Variants in PLEKHA5 observed in about 807,000 individuals in gnomAD.
The protein encoded by PLEKHA5 is pleckstrin homology domain-containing family A member 5.
A neutral mutation model predicts 181.9 loss-of-function variants in PLEKHA5; 55 were observed. The ratio of observed to expected loss-of-function variants is 0.30; its 90% confidence interval spans 0.24 to 0.38. The LOEUF is 0.38. Ranked by LOEUF, PLEKHA5 falls within the 10% of genes least tolerant of loss-of-function variation. The pLI is 1.00. For synonymous variants in PLEKHA5, 535 were observed against 529.4 expected (o/e 1.01, Z -0.15); for missense variants, 1,432 against 1,549.5 (o/e 0.92, Z 1.27).
chr12:19,153,801 C>T (rs1330871630), intron 3 of PLEKHA5: 1 of 152,126 alleles, frequency 6.6e-6, no homozygotes, highest in Non-Finnish European at 1.5e-5. Context: ...TTTATGATAA[C>T]AAAGTGAAAT....
chr12:19,281,308 C>A (rs1008946190), intron 11 of PLEKHA5, among the ~76,000 whole-genome samples: 1 of 151,574 alleles, frequency 6.6e-6, no homozygotes, highest in Non-Finnish European at 1.5e-5. Flanking sequence ...GGAGGCCAGG[C>A]GCTCACTCCT....
chr12:19,234,575 G>A (rs767425586), intron 3 of PLEKHA5, among the ~76,000 whole-genome samples: 4 of 152,108 alleles, frequency 2.6e-5, no homozygotes, highest in African/African-American at 4.8e-5. Flanking sequence ...CTGCTGATTC[G>A]ATGTATTGTT....
Position 19,283,470 on chromosome 12 carries a change from A to C in PLEKHA5, c.1504A>C (p.Arg502=). Residue 502 remains arginine (R), a synonymous_variant, in exon 12 of 32, where the codon AGA becomes CGA. Transcript: ENST00000429027. Reference sequence around the variant, plus strand: ...AGCGGAGGAGAAACGGAGGTCCATGAGAGATGACACAATGTGGCAGCTCTA... The same window carrying C: ...AGCGGAGGAGAAACGGAGGTCCATGCGAGATGACACAATGTGGCAGCTCTA... The part of the protein sequence containing the change: ...PGAEEKRRSM[R]DDTMWQLYEW... The C allele has an allele frequency of 6.2e-7, 1 of 1,614,178 alleles. No homozygotes were observed. Among genetic ancestry groups the C allele is most frequent in the Non-Finnish European group, 8.5e-7 (1 of 1,180,034 alleles).
At chr12:19,341,427 A>C (rs952583383) in intron 21 of PLEKHA5, among the ~76,000 whole-genome samples, 1 of 152,216 alleles carries the variant, frequency 6.6e-6, no homozygotes, top group Non-Finnish European at 1.5e-5. Flanking sequence ...TTATGAAAGT[A>C]ATACATGTTG....
At chr12:19,327,241 G>T (rs2417777) in intron 20 of PLEKHA5, among the ~76,000 whole-genome samples, 59 of 141,264 alleles carry the variant, frequency 4.2e-4, no homozygotes, top group Admixed American at 9.0e-4. Context: ...GCCAGCATCT[G>T]TTTTTGTTTT....
At chr12:19,162,470 G>T (rs1453756963) in intron 3 of PLEKHA5, among the ~76,000 whole-genome samples, 1 of 151,718 alleles carries the variant, frequency 6.6e-6, no homozygotes, top group Admixed American at 6.6e-5. Flanking sequence ...CTATTTTATG[G>T]ATAGCATTTA....
chr12:19,241,874 G>A (rs2062685331), intron 3 of PLEKHA5, among the ~76,000 whole-genome samples: 1 of 152,086 alleles, frequency 6.6e-6, no homozygotes, highest in African/African-American at 2.4e-5. Context: ...GTTATTAGCA[G>A]TCAATATCAC....
chr12:19,187,863 G>T (rs541722089), intron 3 of PLEKHA5, among the ~76,000 whole-genome samples: 1 of 152,130 alleles, frequency 6.6e-6, no homozygotes, highest in Non-Finnish European at 1.5e-5. Flanking sequence ...TTTTAAATGT[G>T]ATCTGTTTCA....
chr12:19,287,689 G>A, intron 13 of PLEKHA5, 133 bp downstream of exon 13: 1 of 618,028 alleles, frequency 1.6e-6, no homozygotes, highest in Admixed American at 3.2e-5. Context: ...TTTTGTGCAA[G>A]AGATGCTCAT....
intron 7 of PLEKHA5, among the ~76,000 whole-genome samples, chr12:19,264,523 C>G (rs758424663): frequency 1.3e-4 from 20 of 152,174 alleles, no homozygotes; most frequent in Non-Finnish European, 2.8e-4. Flanking sequence ...GTCACATTCT[C>G]TGTAATTCAT....
At chr12:19,324,637 T>A (rs2091682636) in intron 20 of PLEKHA5, among the ~76,000 whole-genome samples, 1 of 152,152 alleles carries the variant, frequency 6.6e-6, no homozygotes, top group African/African-American at 2.4e-5. Context: ...ACTGAGCTAA[T>A]CAAGGATAGG....
At chr12:19,135,188 A>C (rs2035242078) in intron 3 of PLEKHA5, among the ~76,000 whole-genome samples, 1 of 152,178 alleles carries the variant, frequency 6.6e-6, no homozygotes, top group South Asian at 2.1e-4. Context: ...TCTCCTGGAC[A>C]AATGTTGGTT....
rs942748401 is a variant in PLEKHA5, at chr12:19,270,206, G to A, written c.845+1G>A. 2.8e-6 allele frequency: 4 copies of A among 1,449,656 alleles called. No individual in the cohort carries two copies. Among genetic ancestry groups the A allele is most frequent in the Admixed American group, 2.5e-5 (1 of 40,368 alleles). 89.8% of individuals were successfully genotyped at this position (1,449,656 alleles called of 1,614,324 possible). ...CTTACAGAATTACCTTTAATTTCCG[G>A]TGAGTACGTTTTTAATTGTTACCTT... is the stretch of plus-strand genomic sequence containing the variant. On this transcript the variant is annotated splice_donor_variant, in intron 10 of 31. Transcript: ENST00000429027. LOFTEE classifies it high-confidence loss of function.
chr12:19,303,248 G>A (rs182943161), intron 15 of PLEKHA5, among the ~76,000 whole-genome samples: 2 of 152,096 alleles, frequency 1.3e-5, no homozygotes, highest in Non-Finnish European at 2.9e-5. Flanking sequence ...TTAAGCCACT[G>A]CTTAATCACT....
intron 11 of PLEKHA5, among the ~76,000 whole-genome samples, chr12:19,280,045 T>G (rs1007517646): frequency 1.5e-5 from 2 of 131,060 alleles, no homozygotes; most frequent in African/African-American, 2.9e-5. Context: ...TGTTTTTTTT[T>G]TTTTTTTTTT....
At chr12:19,267,595 G>T (rs7294719) in intron 8 of PLEKHA5, among the ~76,000 whole-genome samples, 99,422 of 150,654 alleles carry the variant, frequency 0.66, 35,949 homozygotes, top group Non-Finnish European at 0.82. Flanking sequence ...GGGAGGCGGA[G>T]GTTGCAGTAA....
At position 19,146,208 on chromosome 12, in the gene PLEKHA5, G is replaced by A. The variant is rs117882007; in HGVS notation, c.227+13758G>A. Among the ~76,000 whole-genome samples, 1,198 of 152,280 alleles carry A rather than the reference G, an allele frequency of 7.9e-3. 13 individuals carry two copies. Among genetic ancestry groups the A allele is most frequent in the East Asian group, 0.026 (134 of 5,176 alleles). ...ACTTATATCCTTGCCAGCACTTGGT[G>A]TTACTGTACTTAAGTTTTGGCTAGG... On this transcript the variant is annotated intron_variant, in intron 3 of 31. Coordinates refer to ENST00000429027, the MANE Select transcript of PLEKHA5 (RefSeq NM_001256470.2).
intron 3 of PLEKHA5, among the ~76,000 whole-genome samples, chr12:19,202,492 A>C (rs903522167): frequency 1.3e-5 from 2 of 152,046 alleles, no homozygotes; most frequent in African/African-American, 4.8e-5. Context: ...CTCCACTGAC[A>C]GGTCAGGTTG....
chr12:19,186,463 A>G (rs1042785107), intron 3 of PLEKHA5, among the ~76,000 whole-genome samples: 1 of 152,234 alleles, frequency 6.6e-6, no homozygotes, highest in Non-Finnish European at 1.5e-5. Context: ...TTGATGAAAT[A>G]GAACAAGAAA....
Sources: allele counts gnomAD v4.1 joint callset (sites outside exome capture counted in the v4.1 genomes callset), GRCh38; gene constraint gnomAD v4.1.1; transcripts MANE v1.5; gene names NCBI Gene and HGNC (gene_info 2026-07-23, HGNC 2026-07-21).